The following SNX31 variants were observed in gnomAD, a reference collection of about 807,000 sequenced individuals.
The protein encoded by SNX31 is sorting nexin 31.
In SNX31, 58 loss-of-function variants were observed where a neutral mutation model predicts 65.4. The ratio of observed to expected loss-of-function variants is 0.89; its 90% CI spans 0.72 to 1.10. The LOEUF (loss-of-function observed/expected upper bound fraction) is 1.10, where lower values mean the gene tolerates loss of function less well. SNX31 is among the 50% of genes least tolerant of loss of function. The pLI is 0.00. For synonymous variants in SNX31, 181 were observed against 190.1 expected (o/e 0.95, Z 0.39); for missense variants, 523 against 529.7 (o/e 0.99, Z 0.12).
In SNX31 at chr8:100,584,150, T is replaced by G. The variant is rs1387629704; in HGVS notation, c.1131A>C (p.Ser377=). 6.2e-6 allele frequency: 10 copies of G among 1,602,298 alleles called. No homozygotes were observed. Among genetic ancestry groups the G allele is most frequent in the Non-Finnish European group, 8.5e-6 (10 of 1,175,534 alleles). ...CAGCAGCTAGCTTTACCATCTTTTC[T>G]GAGATCATCTTTTTCAAGCAGCTAC... ...LLSSCLKKMI[S]EKMVKLAAEN... The change falls in exon 12 of 14, where the codon TCA becomes TCC. Residue 377 remains serine (S), a synonymous_variant. Transcript: ENST00000311812.
intron 3 of SNX31, among the ~76,000 whole-genome samples, chr8:100,632,227 A>T (rs1324368481): frequency 6.6e-6 from 1 of 152,198 alleles, no homozygotes; most frequent in African/African-American, 2.4e-5. Context: ...CCAGGCCTGG[A>T]AAAGCGAACC....
intron 11 of SNX31, among the ~76,000 whole-genome samples, chr8:100,585,891 A>C (rs1261397302): frequency 1.3e-5 from 2 of 152,192 alleles, no homozygotes; most frequent in Admixed American, 6.5e-5. Context: ...ATGAATAAAA[A>C]ATTTAAAAAA....
intron 1 of SNX31, among the ~76,000 whole-genome samples, chr8:100,659,125 C>A (rs141137338): frequency 2.7e-4 from 41 of 152,122 alleles, no homozygotes; most frequent in African/African-American, 9.6e-4. Context: ...GTGGGTGAAT[C>A]ACCTGAGGTC....
chr8:100,641,595 TACAC>T lies in SNX31; in HGVS notation c.142-5588_142-5585del, dbSNP rs1554587422. Among the ~76,000 whole-genome samples, 83 of 22,066 alleles carry T rather than the reference TACAC, an allele frequency of 3.8e-3. 2 individuals carry two copies. The highest frequency in any genetic ancestry group is 0.023 in the African/African-American group (76 of 3,242). 14.5% of individuals were successfully genotyped at this position (22,066 alleles called of 152,430 possible). A position where few individuals can be genotyped will look rare whatever the true frequency, so the allele number is the denominator to read the frequency against. On this transcript the variant is annotated intron_variant, in intron 2 of 13. Transcript: ENST00000311812. Reference sequence around the variant, plus strand: ...ATATATATATATATATATATATATATACACATACACACACACACGCACACACGCG... The same window carrying T: ...ATATATATATATATATATATATATATATACACACACACACGCACACACGCG...
chr8:100,614,452 G>A lies in SNX31; in HGVS notation c.433-1367C>T, dbSNP rs1477797428. Reference sequence around the variant, plus strand: ...AAATATAAACACCTTCTTTTGAGAGGAGTGAGCATCAGCAAAAAAATACGT... The same window carrying A: ...AAATATAAACACCTTCTTTTGAGAGAAGTGAGCATCAGCAAAAAAATACGT... On this transcript the variant is annotated intron_variant, in intron 5 of 13. Transcript: ENST00000311812. This position sits in a 1 kb window ranked among gnomAD's most constrained non-coding sequence, Gnocchi z 5.1. 1.3e-5 allele frequency among the ~76,000 whole-genome samples: 2 copies of A among 152,196 alleles called. No individual in the cohort carries two copies. Among genetic ancestry groups the A allele is most frequent in the Admixed American group, 1.3e-4 (2 of 15,286 alleles).
intron 4 of SNX31, chr8:100,618,617 AAATTCTGG>A: frequency 1.9e-6 from 1 of 525,126 alleles, no homozygotes; most frequent in Non-Finnish European, 3.3e-6. Context: ...AGCTGACTAC[AAATTCTGG>A]TTTCCATGAC....
intron 2 of SNX31, among the ~76,000 whole-genome samples, chr8:100,641,991 A>G (rs1305357540): frequency 6.6e-6 from 1 of 151,972 alleles, no homozygotes; most frequent in East Asian, 1.9e-4. Context: ...AGGCAGGAGA[A>G]TGGCGCGAAC....
At chr8:100,580,561 C>T (rs1474399874) in intron 12 of SNX31, among the ~76,000 whole-genome samples, 1 of 152,208 alleles carries the variant, frequency 6.6e-6, no homozygotes, top group African/African-American at 2.4e-5. Flanking sequence ...TCTGAAACTT[C>T]TCCTTAAAGA....
At position 100,648,334 on chromosome 8, in the gene SNX31, T is replaced by C. The variant is rs1401270041; in HGVS notation, c.141+940A>G. On this transcript the variant is annotated intron_variant, in intron 2 of 13. Transcript: ENST00000311812. The surrounding 1 kb of genome is among the most constrained non-coding windows in gnomAD (Gnocchi z 4.3). ...AGTTTTCTCTACACTTTTTTTTTTT[T>C]TTTTTTTAATAGAGACAAGGTCTCG... 6.6e-6 allele frequency among the ~76,000 whole-genome samples: 1 copy of C among 150,932 alleles called. No individual in the cohort carries two copies. The highest frequency in any genetic ancestry group is 6.6e-5 in the Admixed American group (1 of 15,150).
chr8:100,574,983 G>A (rs577917395), intron 13 of SNX31, among the ~76,000 whole-genome samples: 1 of 152,284 alleles, frequency 6.6e-6, no homozygotes, highest in South Asian at 2.1e-4. Context: ...TAGAGGTTAG[G>A]GTTACCGCAA....
At chr8:100,642,056 G>T (rs1012807466) in intron 2 of SNX31, among the ~76,000 whole-genome samples, 1 of 148,208 alleles carries the variant, frequency 6.7e-6, no homozygotes, top group African/African-American at 2.5e-5. Flanking sequence ...TCCAGCCTGG[G>T]CGACAGAGCG....
upstream of SNX31, among the ~76,000 whole-genome samples, chr8:100,654,583 C>T (rs1425975929): frequency 6.6e-6 from 1 of 152,212 alleles, no homozygotes; most frequent in South Asian, 2.1e-4. Flanking sequence ...AATGAAACTG[C>T]TGGGAATCGA....
rs924659642 is a variant in SNX31, at chr8:100,622,809, A to G, written c.322-5079T>C. Among the ~76,000 whole-genome samples, 7 of 152,162 alleles carry G rather than the reference A, an allele frequency of 4.6e-5. No homozygotes were observed. Among genetic ancestry groups the G allele is most frequent in the Admixed American group, 1.3e-4 (2 of 15,278 alleles). ...ACAGATATGTAAGAAGAGAATATTA[A>G]GGCTAAAGCCTCCAATGTTTTGTTT... On this transcript the variant is annotated intron_variant, in intron 4 of 13. Coordinates refer to ENST00000311812, the MANE Select transcript of SNX31 (RefSeq NM_152628.4). This position sits in a 1 kb window ranked among gnomAD's most constrained non-coding sequence, Gnocchi z 5.0.
intron 12 of SNX31, among the ~76,000 whole-genome samples, chr8:100,579,590 C>T (rs1366362667): frequency 6.6e-6 from 1 of 152,134 alleles, no homozygotes; most frequent in Non-Finnish European, 1.5e-5. Context: ...GGCCACTGTC[C>T]TTGGTGTTTC....
rs780756455 is a variant in SNX31 at position 100,613,126 on chromosome 8, G to A, written c.433-41C>T. 1.3e-6 allele frequency: 2 copies of A among 1,488,298 alleles called. No individual in the cohort carries two copies. Among genetic ancestry groups the A allele is most frequent in the Non-Finnish European group, 1.9e-6 (2 of 1,065,914 alleles). The allele number at this position is 1,488,298 out of a possible 1,614,324, so 92.2% of individuals were successfully genotyped here. On this transcript the variant is annotated intron_variant, in intron 5 of 13. Coordinates refer to ENST00000311812, the MANE Select transcript of SNX31 (RefSeq NM_152628.4). The surrounding 1 kb of genome is among the most constrained non-coding windows in gnomAD (Gnocchi z 5.2). The stretch of plus-strand genomic sequence containing the variant: ...AGCAGAAAGGGAAAAAGTTAGGTGT[G>A]CCCACCATGCATCCTAACTGTGACA...
At chr8:100,602,979 G>A (rs1249656587) in intron 8 of SNX31, among the ~76,000 whole-genome samples, 1 of 152,160 alleles carries the variant, frequency 6.6e-6, no homozygotes, top group Non-Finnish European at 1.5e-5. Context: ...TTTTACAGAT[G>A]AGTAAATTGA....
Position 100,613,127 on chromosome 8 carries a change from C to T in SNX31, c.433-42G>A. 6.7e-7 allele frequency: 1 copy of T among 1,487,192 alleles called. No individual in the cohort carries two copies. The highest frequency in any genetic ancestry group is 9.4e-7 in the Non-Finnish European group (1 of 1,064,922). The allele number at this position is 1,487,192 out of a possible 1,614,324, so 92.1% of individuals were successfully genotyped here. ...GCAGAAAGGGAAAAAGTTAGGTGTG[C>T]CCACCATGCATCCTAACTGTGACAT... On this transcript the variant is annotated intron_variant, in intron 5 of 13. Coordinates refer to ENST00000311812, the MANE Select transcript of SNX31 (RefSeq NM_152628.4). This position sits in a 1 kb window ranked among gnomAD's most constrained non-coding sequence, Gnocchi z 5.2.
chr8:100,592,990 T>C lies in SNX31; in HGVS notation c.978+3649A>G, dbSNP rs1218672830. 4.6e-5 allele frequency among the ~76,000 whole-genome samples: 7 copies of C among 152,304 alleles called. No individual in the cohort carries two copies. In the East Asian group the frequency reaches 1.3e-3, roughly 29 times the overall value. On this transcript the variant is annotated intron_variant, in intron 10 of 13. Coordinates refer to ENST00000311812, the MANE Select transcript of SNX31 (RefSeq NM_152628.4). ...TTATCCAGAATAGGCAAATCTATTCTATAGAGACAGAAAGTAGATCAGTGG... is the reference window on the plus strand; with the variant it reads ...TTATCCAGAATAGGCAAATCTATTCCATAGAGACAGAAAGTAGATCAGTGG...
At chr8:100,589,849 C>T (rs961124733) in intron 10 of SNX31, among the ~76,000 whole-genome samples, 2 of 152,178 alleles carry the variant, frequency 1.3e-5, no homozygotes, top group Non-Finnish European at 2.9e-5. Context: ...CATCCCTCTT[C>T]CACTGTTGGC....
Sources: allele counts gnomAD v4.1 joint callset (sites outside exome capture counted in the v4.1 genomes callset), GRCh38; gene constraint gnomAD v4.1.1; non-coding constraint Gnocchi (gnomAD v3.1); transcripts MANE v1.5; gene names NCBI Gene and HGNC (gene_info 2026-07-23, HGNC 2026-07-21).